Variants in UBAP2L observed in about 807,000 individuals in gnomAD.
UBAP2L encodes ubiquitin-associated protein 2-like.
UBAP2L carries 12 observed loss-of-function variants against 130.6 expected under a neutral mutation model. The observed-to-expected ratio is 0.09, with a 90% confidence interval of 0.06 to 0.15. The LOEUF (loss-of-function observed/expected upper bound fraction) is 0.15, where lower values mean the gene tolerates loss of function less well. Ranked by LOEUF, UBAP2L falls within the 10% of genes least tolerant of loss-of-function variation. The pLI is 1.00. For missense variants in UBAP2L, 965 were observed against 1,332.5 expected (o/e 0.72, Z 4.29); for synonymous variants, 503 against 524.7 (o/e 0.96, Z 0.57).
chr1:154,227,324 C>A lies in UBAP2L; in HGVS notation c.133C>A (p.His45Asn). 2.5e-6 allele frequency: 4 copies of A among 1,613,656 alleles called. No individual in the cohort carries two copies. Among genetic ancestry groups the A allele is most frequent in the Non-Finnish European group, 3.4e-6 (4 of 1,179,756 alleles). ...TAGACTTGCACAGATGATTTCGGAC[C>A]ATAATGATGCTGACTTTGAGGAGAA... ...QIRLAQMISD[H>N]NDADFEEKVK... The change falls in exon 3 of 27, where the codon CAT becomes AAT. Residue 45 changes from histidine to asparagine, a missense_variant. His to Asn is a moderately conservative substitution (Grantham distance 68). Coordinates refer to ENST00000428931, the MANE Select transcript of UBAP2L (RefSeq NM_014847.4).
At chr1:154,260,583 A>G (rs1029689251) in intron 22 of UBAP2L, among the ~76,000 whole-genome samples, 1 of 152,160 alleles carries the variant, frequency 6.6e-6, no homozygotes, top group African/African-American at 2.4e-5. Flanking sequence ...ATGGAGGAGA[A>G]GAGGGGAGGG....
At chr1:154,241,435 A>G in intron 8 of UBAP2L, 78 bp from the exon 9 acceptor site, 2 of 1,471,572 alleles carry the variant, frequency 1.4e-6, no homozygotes, top group African/African-American at 1.4e-5. Flanking sequence ...AAAAAAATTA[A>G]TACATTGATG....
At chr1:154,235,172 T>C in intron 5 of UBAP2L, 24 bp from the exon 6 acceptor site, 1 of 746,468 alleles carries the variant, frequency 1.3e-6, no homozygotes, top group Non-Finnish European at 2.5e-6. Flanking sequence ...GTTGTTGTTG[T>C]TTTAATTTTT....
In UBAP2L at chr1:154,249,427, G is replaced by A. The variant is rs746592336; in HGVS notation, c.1203G>A (p.Leu401=). 6.2e-7 allele frequency: 1 copy of A among 1,614,028 alleles called. No homozygotes were observed. Among genetic ancestry groups the A allele is most frequent in the Admixed American group, 1.7e-5 (1 of 60,010 alleles). Residue 401 remains leucine (L), a synonymous_variant, in exon 12 of 27, where the codon CTG becomes CTA. Coordinates refer to ENST00000428931, the MANE Select transcript of UBAP2L (RefSeq NM_014847.4). ...DMGSTTQSPS[L]VQYDLKNPSD... is the part of the protein sequence containing the mutation. ...GCTCGACGACACAATCCCCATCACT[G>A]GTGCAGTATGGTGAGAAGATGGAAA...
chr1:154,267,880 CTTTTTTTTTTTTTTT>C (rs869153080), intron 25 of UBAP2L, among the ~76,000 whole-genome samples: 2 of 52,056 alleles, frequency 3.8e-5, no homozygotes, highest in Non-Finnish European at 3.6e-5. Context: ...CTTATTTGGT[CTTTTTTTTTTTTTTT>C]TTTTTTTTTT....
intron 1 of UBAP2L, among the ~76,000 whole-genome samples, chr1:154,224,074 C>T (rs1165644687): frequency 6.6e-6 from 1 of 152,146 alleles, no homozygotes; most frequent in African/African-American, 2.4e-5. Context: ...AAAGTATGAA[C>T]TAAAGGAACT....
At chr1:154,234,208 C>T (rs1028265054) in intron 4 of UBAP2L, among the ~76,000 whole-genome samples, 2 of 151,846 alleles carry the variant, frequency 1.3e-5, no homozygotes, top group Non-Finnish European at 1.5e-5. Flanking sequence ...ACTAAAAATA[C>T]AAAAATTAGC....
At chr1:154,231,737 G>T (rs1032412220) in intron 4 of UBAP2L, among the ~76,000 whole-genome samples, 25 of 152,160 alleles carry the variant, frequency 1.6e-4, no homozygotes, top group African/African-American at 5.8e-4. Context: ...GCATGGGTCA[G>T]AATTTCATTC....
chr1:154,241,380 AC>A, intron 8 of UBAP2L, 132 bp from the exon 9 acceptor site: 1 of 762,272 alleles, frequency 1.3e-6, no homozygotes, highest in South Asian at 1.7e-5. Context: ...GAGCCACCAC[AC>A]CTGGCCTTCT....
chr1:154,266,333 T>G, intron 24 of UBAP2L, 168 bp from the exon 25 acceptor site: 4 of 706,214 alleles, frequency 5.7e-6, no homozygotes, highest in Non-Finnish European at 7.7e-6. Flanking sequence ...CTTAGGGAGC[T>G]TTTGTTTCAT....
In UBAP2L at chr1:154,246,328, G is replaced by C. The variant is rs757439779; in HGVS notation, c.967G>C (p.Ala323Pro). The C allele has an allele frequency of 1.2e-6, 2 of 1,613,524 alleles. No individual in the cohort carries two copies. Among genetic ancestry groups the C allele is most frequent in the East Asian group, 4.5e-5 (2 of 44,876 alleles). Reference sequence around the variant, plus strand: ...GGTGTTCAGTAATTCGAAGCAGACTGCCATATCACAGCCTGCTTCAGGGAA... The same window carrying C: ...GGTGTTCAGTAATTCGAAGCAGACTCCCATATCACAGCCTGCTTCAGGGAA... ...PLVFSNSKQTAISQPASGNTF... is the reference protein window; with the variant it reads ...PLVFSNSKQTPISQPASGNTF... The change falls in exon 11 of 27, where the codon GCC (alanine) becomes CCC (proline). Residue 323 changes from alanine (A) to proline (P), a missense_variant. Physicochemically the swap from Ala to Pro is conservative, Grantham distance 27. Transcript: ENST00000428931.
chr1:154,224,851 TAAAA>T (rs1667429046), intron 1 of UBAP2L, among the ~76,000 whole-genome samples: 2 of 152,186 alleles, frequency 1.3e-5, no homozygotes, highest in Non-Finnish European at 2.9e-5. Flanking sequence ...TGTAACTTCT[TAAAA>T]AAATCCATCA....
Position 154,248,640 on chromosome 1 carries a change from C to T in UBAP2L, c.1015-599C>T, listed in dbSNP as rs186093867. Among the ~76,000 whole-genome samples, 19 of 152,172 alleles carry T rather than the reference C, an allele frequency of 1.2e-4. No individual in the cohort carries two copies. In the East Asian group the frequency reaches 3.5e-3, roughly 28 times the overall value. ...GACCATCCTGGCTAACACAGTGAAA[C>T]GCTGTCTCTACTAAAAATACAAAAA... On this transcript the variant is annotated intron_variant, in intron 11 of 26. Coordinates refer to ENST00000428931, the MANE Select transcript of UBAP2L (RefSeq NM_014847.4).
At chr1:154,268,080 G>A (rs1388675853) in intron 25 of UBAP2L, among the ~76,000 whole-genome samples, 1 of 151,254 alleles carries the variant, frequency 6.6e-6, no homozygotes, top group Non-Finnish European at 1.5e-5. Flanking sequence ...GTAGAGACGG[G>A]GTTTCTTCAT....
intron 11 of UBAP2L, among the ~76,000 whole-genome samples, chr1:154,248,160 T>A (rs560313535): frequency 1.2e-4 from 19 of 152,074 alleles, no homozygotes; most frequent in African/African-American, 4.6e-4. Context: ...AGAGACAGGG[T>A]TTCACCATGT....
intron 2 of UBAP2L, among the ~76,000 whole-genome samples, chr1:154,226,735 C>T (rs545930100): frequency 1.4e-4 from 22 of 152,324 alleles, no homozygotes; most frequent in Admixed American, 9.2e-4. Flanking sequence ...GATTCTAAGA[C>T]GGAAGTCCCT....
chr1:154,237,065 A>G lies in UBAP2L; in HGVS notation c.632A>G (p.Asp211Gly). 1.2e-6 allele frequency: 2 copies of G among 1,614,194 alleles called. No homozygotes were observed. Among genetic ancestry groups the G allele is most frequent in the Non-Finnish European group, 1.7e-6 (2 of 1,180,036 alleles). The stretch of plus-strand genomic sequence containing the variant: ...GATTATGCAGAGCCAGCCAATACTG[A>G]TGATAACTATGGCAATAGCAGCGGC... ...PADYAEPANT[D>G]DNYGNSSGNT... is the part of the protein sequence containing the mutation. Residue 211 changes from aspartate (D) to glycine (G), a missense_variant, in exon 8 of 27, where the codon GAT (aspartate) becomes GGT (glycine). Asp to Gly is a moderately conservative substitution (Grantham distance 94). Coordinates refer to ENST00000428931, the MANE Select transcript of UBAP2L (RefSeq NM_014847.4).
chr1:154,233,545 A>T (rs1026784630), intron 4 of UBAP2L, among the ~76,000 whole-genome samples: 3 of 146,290 alleles, frequency 2.1e-5, no homozygotes, highest in Non-Finnish European at 4.4e-5. Context: ...GGCTGGTCTC[A>T]AACTCCTGCC....
Position 154,223,947 on chromosome 1 carries a change from A to G in UBAP2L, c.-40-1137A>G, listed in dbSNP as rs556429563. ...ATTAAATATAGAGCAGAAAAGTATA[A>G]ACTTACCCTCTTTGGAAGGGAATAA... On this transcript the variant is annotated intron_variant, in intron 1 of 26. Transcript: ENST00000428931. 1.4e-4 allele frequency among the ~76,000 whole-genome samples: 22 copies of G among 152,336 alleles called. No homozygotes were observed. The East Asian group carries it at 4.2e-3, about 29-fold the overall frequency.
Sources: gnomAD v4.1 joint callset for allele counts (sites outside exome capture counted in the v4.1 genomes callset) on GRCh38, gnomAD v4.1.1 for gene constraint, MANE v1.5 for transcripts, NCBI Gene and HGNC (gene_info 2026-07-23, HGNC 2026-07-21) for gene names.